IL1RAP: variants seen among roughly 807,000 people sequenced by gnomAD.
IL1RAP encodes the protein interleukin-1 receptor accessory protein.
In IL1RAP, 35 loss-of-function variants were observed where a neutral mutation model predicts 60.7. That is an observed-to-expected ratio of 0.58 (90% CI 0.44 to 0.76). The LOEUF is 0.76. IL1RAP is among the 30% of genes least tolerant of loss of function. The pLI is 0.00. For missense variants in IL1RAP, 572 were observed against 693.9 expected (o/e 0.82, Z 1.97); for synonymous variants, 268 against 250.9 (o/e 1.07, Z -0.64).
intron 3 of IL1RAP, among the ~76,000 whole-genome samples, chr3:190,592,257 A>T (rs1362902427): frequency 6.6e-6 from 1 of 152,164 alleles, no homozygotes; most frequent in Non-Finnish European, 1.5e-5. Context: ...ACCTCAGGTG[A>T]TCTGTCCTGC....
At chr3:190,643,945 G>A (rs1049505669) in intron 9 of IL1RAP, 7 of 168,560 alleles carry the variant, frequency 4.2e-5, no homozygotes, top group African/African-American at 7.2e-5. Flanking sequence ...GTGTCAAATT[G>A]TGACTTGAAT....
chr3:190,656,028 C>G (rs1734608755), downstream of IL1RAP: 2 of 1,537,202 alleles, frequency 1.3e-6, no homozygotes, highest in East Asian at 4.9e-5. Context: ...CCATTGCCAC[C>G]AAGCTCATTG....
chr3:190,576,136 G>GT (rs1195869689), intron 3 of IL1RAP, among the ~76,000 whole-genome samples: 4 of 152,054 alleles, frequency 2.6e-5, no homozygotes, highest in African/African-American at 4.8e-5. Flanking sequence ...ATATTTAAAT[G>GT]TAAAAAACCC....
intron 10 of IL1RAP, among the ~76,000 whole-genome samples, chr3:190,644,699 T>C (rs1269348834): frequency 6.6e-6 from 1 of 152,158 alleles, no homozygotes; most frequent in Non-Finnish European, 1.5e-5. Context: ...AAGAAACAAG[T>C]AAAAATAACG....
intron 3 of IL1RAP, 65 bp downstream of exon 3, chr3:190,564,418 T>C (rs1201680004): frequency 1.0e-6 from 1 of 955,800 alleles, no homozygotes; most frequent in Non-Finnish European, 1.7e-6. Context: ...GAGTCCACTC[T>C]TCCTGAAAAT....
In IL1RAP at chr3:190,645,721, TG is replaced by T. The variant is rs1676536323; in HGVS notation, c.1225del (p.Val409TyrfsTer15). ...TAGATGGAAAAGAGTATGATATTTA[TG>T]TATCCTATGCAAGGAATGCGGAAGA... The part of the protein sequence containing the change: ...ILDGKEYDIY[V>X]SYARNAEEEE... On this transcript the variant is annotated frameshift_variant, in exon 11 of 12. Coordinates refer to ENST00000447382, the MANE Select transcript of IL1RAP (RefSeq NM_002182.4). LOFTEE classifies it high-confidence loss of function. 1 of 1,612,234 alleles carries T rather than the reference TG, an allele frequency of 6.2e-7. No homozygotes were observed. Among genetic ancestry groups the T allele is most frequent in the African/African-American group, 1.3e-5 (1 of 75,010 alleles).
In IL1RAP at chr3:190,616,422, T is replaced by G. The variant is rs534183738; in HGVS notation, c.538-3853T>G. On this transcript the variant is annotated intron_variant, in intron 5 of 11. Coordinates refer to ENST00000447382, the MANE Select transcript of IL1RAP (RefSeq NM_002182.4). ...TCCAGAGAATAAGCACCATTTGTGG[T>G]TTTTTTTTTTCTGGCAATTGTATAG... Among the ~76,000 whole-genome samples, 1,046 of 139,534 alleles carry G rather than the reference T, an allele frequency of 7.5e-3. 7 individuals are homozygous for G. Among genetic ancestry groups the G allele is most frequent in the Non-Finnish European group, 0.012 (789 of 65,906 alleles). The allele number at this position is 139,534 out of a possible 152,430, so 91.5% of individuals were successfully genotyped here. A position where few individuals can be genotyped will look rare whatever the true frequency, so the allele number is the denominator to read the frequency against.
intron 1 of IL1RAP, among the ~76,000 whole-genome samples, chr3:190,514,978 A>G (rs1269480707): frequency 6.6e-6 from 1 of 152,186 alleles, no homozygotes; most frequent in African/African-American, 2.4e-5. Flanking sequence ...AATCACAAAC[A>G]TAAAAGCAAA....
Position 190,649,747 on chromosome 3 carries a change from T to A in IL1RAP, c.*1042T>A. On this transcript the variant is annotated 3_prime_UTR_variant, in exon 12 of 12. Coordinates refer to ENST00000447382, the MANE Select transcript of IL1RAP (RefSeq NM_002182.4). ...TTTTGGCATTAATATTCTAAGAGAA[T>A]TAACTGTATTTCCTGTCACCTATTC... 1.0e-6 allele frequency: 1 copy of A among 985,742 alleles called. No homozygotes were observed. Among genetic ancestry groups the A allele is most frequent in the Non-Finnish European group, 1.2e-6 (1 of 829,930 alleles). 61.1% of individuals were successfully genotyped at this position (985,742 alleles called of 1,614,324 possible).
At chr3:190,591,417 C>G (rs1297768932) in intron 3 of IL1RAP, among the ~76,000 whole-genome samples, 1 of 152,126 alleles carries the variant, frequency 6.6e-6, no homozygotes, top group African/African-American at 2.4e-5. Flanking sequence ...TTGGCCCCTC[C>G]CCACCACTAT....
intron 1 of IL1RAP, among the ~76,000 whole-genome samples, chr3:190,551,115 T>G (rs545863520): frequency 1.7e-3 from 254 of 152,264 alleles, no homozygotes; most frequent in African/African-American, 5.9e-3. Context: ...CAAGATAAAT[T>G]TGGAGCTCTT....
chr3:190,530,661 A>C (rs1722907198), intron 1 of IL1RAP, among the ~76,000 whole-genome samples: 1 of 152,202 alleles, frequency 6.6e-6, no homozygotes, highest in Admixed American at 6.5e-5. Context: ...ACACAATTAG[A>C]ACATCGGCTT....
intron 1 of IL1RAP, among the ~76,000 whole-genome samples, chr3:190,514,913 G>A (rs1337930056): frequency 2.0e-5 from 3 of 152,314 alleles, no homozygotes; most frequent in East Asian, 3.9e-4. Context: ...GAACCATAGA[G>A]CCCCTTCCCT....
intron 2 of IL1RAP, among the ~76,000 whole-genome samples, chr3:190,561,231 T>A (rs1725863866): frequency 6.6e-6 from 1 of 152,160 alleles, no homozygotes. Context: ...CTCTTTACGA[T>A]AATAAAATTC....
chr3:190,635,660 A>G (rs1163650784), intron 9 of IL1RAP, among the ~76,000 whole-genome samples: 1 of 152,182 alleles, frequency 6.6e-6, no homozygotes, highest in Non-Finnish European at 1.5e-5. Flanking sequence ...AATTTTCCAG[A>G]TCGTTTTACT....
intron 1 of IL1RAP, among the ~76,000 whole-genome samples, chr3:190,540,113 A>T (rs1723801221): frequency 6.6e-6 from 1 of 152,112 alleles, no homozygotes; most frequent in Admixed American, 6.5e-5. Context: ...ACACTGTCAT[A>T]GAGTTTTTGT....
chr3:190,606,522 A>G (rs894376797), intron 4 of IL1RAP, among the ~76,000 whole-genome samples: 11 of 152,204 alleles, frequency 7.2e-5, no homozygotes, highest in Non-Finnish European at 1.3e-4. Context: ...TTAGTGCTTC[A>G]ATATCAGTTT....
rs866563362 is a variant in IL1RAP at position 190,650,550 on chromosome 3, C to A, written c.*1845C>A. 8 of 960,570 alleles carry A rather than the reference C, an allele frequency of 8.3e-6. No homozygotes were observed. The African/African-American group carries it at 1.4e-4, about 17-fold the overall frequency. The allele number at this position is 960,570 out of a possible 1,614,324, so 59.5% of individuals were successfully genotyped here. ...TCGTAATTTAAGAAAGCCCTTATCC[C>A]GGTAACATGAATGTTGATGAACAAA... On this transcript the variant is annotated 3_prime_UTR_variant, in exon 12 of 12. Coordinates refer to ENST00000447382, the MANE Select transcript of IL1RAP (RefSeq NM_002182.4).
intron 9 of IL1RAP, among the ~76,000 whole-genome samples, chr3:190,631,695 GAC>G (rs1252751258): frequency 6.6e-6 from 1 of 152,218 alleles, no homozygotes; most frequent in Non-Finnish European, 1.5e-5. Context: ...ATGAGAGAAA[GAC>G]ACTGGTGTAG....
Sources: gnomAD v4.1 joint callset for allele counts (sites outside exome capture counted in the v4.1 genomes callset) on GRCh38, gnomAD v4.1.1 for gene constraint, MANE v1.5 for transcripts, NCBI Gene and HGNC (gene_info 2026-07-23, HGNC 2026-07-21) for gene names.